The following ZNF469 variants were observed in gnomAD, a reference collection of about 807,000 sequenced individuals.
ZNF469 encodes the protein zinc finger protein 469.
ZNF469 carries 1 observed loss-of-function variant against 1.0 expected under a neutral mutation model. That is an observed-to-expected ratio of 1.00 (90% CI 0.35 to 4.73). The LOEUF (loss-of-function observed/expected upper bound fraction) is 4.73, where lower values mean the gene tolerates loss of function less well. Among genes scored for constraint, ZNF469 ranks in the 30% most tolerant of loss-of-function variants. ZNF469 has a pLI of 0.16. For synonymous variants in ZNF469, 2,703 were observed against 2,363.4 expected (o/e 1.14, Z -4.17); for missense variants, 6,100 against 5,356.3 (o/e 1.14, Z -4.33).
the ZNF469 span, among the ~76,000 whole-genome samples, chr16:88,289,372 ATGATGG>A: frequency 2.6e-5 from 4 of 151,672 alleles, no homozygotes; most frequent in African/African-American, 9.7e-5. Flanking sequence ...GATGATGGTG[ATGATGG>A]TGATGGTGAT....
the ZNF469 span, among the ~76,000 whole-genome samples, chr16:88,246,406 C>G: frequency 6.6e-6 from 1 of 152,078 alleles, no homozygotes; most frequent in African/African-American, 2.4e-5. Flanking sequence ...ACCAGGAACC[C>G]CATCTCAGAG....
chr16:88,135,254 C>T, the ZNF469 span, among the ~76,000 whole-genome samples: 7 of 152,266 alleles, frequency 4.6e-5, no homozygotes, highest in Non-Finnish European at 7.3e-5. Context: ...GCCTCTTGGC[C>T]GAGCCCAGTC....
At chr16:88,423,138 G>A (rs1422190042) in intron 1 of ZNF469, among the ~76,000 whole-genome samples, 1 of 12,958 alleles carries the variant, frequency 7.7e-5, no homozygotes, top group African/African-American at 1.1e-4. Context: ...ATGGATAGAT[G>A]GATGGATGGG....
At chr16:88,323,599 C>T in the ZNF469 span, among the ~76,000 whole-genome samples, 4 of 152,124 alleles carry the variant, frequency 2.6e-5, no homozygotes, top group African/African-American at 9.7e-5. Flanking sequence ...AAGGCCTGGG[C>T]AGCCAGGCTT....
the ZNF469 span, among the ~76,000 whole-genome samples, chr16:88,105,494 G>A: frequency 6.6e-6 from 1 of 151,936 alleles, no homozygotes; most frequent in South Asian, 2.1e-4. Context: ...TAGTAGAGAT[G>A]GAGTTTCACT....
chr16:88,158,296 C>T, the ZNF469 span, among the ~76,000 whole-genome samples: 1 of 151,924 alleles, frequency 6.6e-6, no homozygotes, highest in Non-Finnish European at 1.5e-5. Context: ...TGTAACAAAG[C>T]CGAGGCTCTG....
chr16:88,331,188 G>A, the ZNF469 span, among the ~76,000 whole-genome samples: 14 of 106,406 alleles, frequency 1.3e-4, no homozygotes, highest in East Asian at 8.6e-4. Flanking sequence ...CACCACCGTC[G>A]TCACCATCAC....
upstream of ZNF469, among the ~76,000 whole-genome samples, chr16:88,382,185 C>A (rs1014293461): frequency 6.6e-6 from 1 of 152,254 alleles, no homozygotes; most frequent in Non-Finnish European, 1.5e-5. Context: ...GAGGCCCACA[C>A]GCCCCTGTCT....
chr16:88,289,260 GAT>G, the ZNF469 span, among the ~76,000 whole-genome samples: 981 of 115,946 alleles, frequency 8.5e-3, 6 homozygotes, highest in Admixed American at 0.013. Flanking sequence ...TGGCAACAGT[GAT>G]GGTGATGATG....
chr16:88,261,383 T>C, the ZNF469 span, among the ~76,000 whole-genome samples: 5 of 152,072 alleles, frequency 3.3e-5, no homozygotes, highest in African/African-American at 1.2e-4. The surrounding 1 kb of genome is among the most constrained non-coding windows in gnomAD (Gnocchi z 6.0). Flanking sequence ...GGTCCAAGGC[T>C]AAGGGGTAAG....
At chr16:88,246,386 G>T in the ZNF469 span, among the ~76,000 whole-genome samples, 7 of 152,306 alleles carry the variant, frequency 4.6e-5, no homozygotes, top group East Asian at 1.4e-3. Context: ...GGGAGCAAAG[G>T]AGCTGGGGGA....
the ZNF469 span, among the ~76,000 whole-genome samples, chr16:88,331,048 T>C: frequency 6.8e-6 from 1 of 146,458 alleles, no homozygotes; most frequent in African/African-American, 2.6e-5. Flanking sequence ...ATCATCACCA[T>C]CATCACCATC....
the ZNF469 span, among the ~76,000 whole-genome samples, chr16:88,319,535 C>G: frequency 6.6e-6 from 1 of 152,156 alleles, no homozygotes; most frequent in Non-Finnish European, 1.5e-5. Context: ...GATCCCTTTT[C>G]CATGTGCAGC....
At chr16:88,302,719 C>T in the ZNF469 span, among the ~76,000 whole-genome samples, 3 of 152,196 alleles carry the variant, frequency 2.0e-5, no homozygotes, top group Non-Finnish European at 2.9e-5. Flanking sequence ...GCTTGGACTC[C>T]GAGGCCCCTG....
At chr16:88,406,411 C>T (rs1293371579) in intron 1 of ZNF469, among the ~76,000 whole-genome samples, 1 of 152,244 alleles carries the variant, frequency 6.6e-6, no homozygotes, top group African/African-American at 2.4e-5. Flanking sequence ...CTGGGAAGCC[C>T]CCGCTGCCCG....
chr16:88,170,380 C>T, the ZNF469 span, among the ~76,000 whole-genome samples: 1 of 152,136 alleles, frequency 6.6e-6, no homozygotes, highest in African/African-American at 2.4e-5. This position sits in a 1 kb window ranked among gnomAD's most constrained non-coding sequence, Gnocchi z 4.2. Context: ...GCACTAGATC[C>T]CCAGGACATA....
the ZNF469 span, among the ~76,000 whole-genome samples, chr16:88,319,618 C>T: frequency 6.6e-6 from 1 of 152,162 alleles, no homozygotes; most frequent in Non-Finnish European, 1.5e-5. Flanking sequence ...CCCCTTGGCT[C>T]CCTGCCACCC....
chr16:88,315,503 C>T, the ZNF469 span, among the ~76,000 whole-genome samples: 17 of 152,334 alleles, frequency 1.1e-4, 1 homozygote, highest in African/African-American at 3.6e-4. Context: ...TTGCAGAGCC[C>T]GCTGCCTCTG....
At chr16:88,262,348 G>T in the ZNF469 span, among the ~76,000 whole-genome samples, 12 of 152,348 alleles carry the variant, frequency 7.9e-5, no homozygotes, top group Non-Finnish European at 1.8e-4. This position sits in a 1 kb window ranked among gnomAD's most constrained non-coding sequence, Gnocchi z 4.3. Flanking sequence ...AGAGCCGAGG[G>T]GTGGGGCGTT....
Sources: gnomAD v4.1 joint callset for allele counts (sites outside exome capture counted in the v4.1 genomes callset) on GRCh38, gnomAD v4.1.1 for gene constraint, Gnocchi (gnomAD v3.1) non-coding constraint, MANE v1.5 for transcripts, NCBI Gene and HGNC (gene_info 2026-07-23, HGNC 2026-07-21) for gene names.